KCNQ3: variants seen among roughly 807,000 people sequenced by gnomAD.
KCNQ3 encodes the protein potassium voltage-gated channel subfamily KQT member 3.
A neutral mutation model predicts 92.5 loss-of-function variants in KCNQ3; 30 were observed. That is an observed-to-expected ratio of 0.32 (90% CI 0.24 to 0.44). The LOEUF is 0.44. KCNQ3 is among the 20% of genes least tolerant of loss of function. The pLI, the probability that KCNQ3 is intolerant of heterozygous loss-of-function variation, is 1.00. For missense variants in KCNQ3, 913 were observed against 1,140.3 expected, an observed-to-expected ratio of 0.80 and a Z score of 2.87; for synonymous variants, 450 against 468.8, an observed-to-expected ratio of 0.96 and a Z score of 0.52.
rs1563791026 is a variant in KCNQ3, at chr8:132,180,268, C to G, written c.666G>C (p.Leu222=). The part of the protein sequence containing the change: ...VVAVGNQGNV[L]ATSLRSLRFL... ...AGCGCAGGCTTCGCAGGGAGGTGGC[C>G]AGAACATTGCCTTGGTTTCCCACAG... Residue 222 remains leucine, a synonymous_variant, in exon 4 of 15, where the codon CTG becomes CTC. Coordinates refer to ENST00000388996, the MANE Select transcript of KCNQ3 (RefSeq NM_004519.4). 6.2e-7 allele frequency: 1 copy of G among 1,614,144 alleles called. No homozygotes were observed. The highest frequency in any genetic ancestry group is 8.5e-7 in the Non-Finnish European group (1 of 1,180,046).
chr8:132,184,769 C>T (rs954556467), intron 2 of KCNQ3, among the ~76,000 whole-genome samples: 2 of 152,144 alleles, frequency 1.3e-5, no homozygotes, highest in Non-Finnish European at 2.9e-5. Flanking sequence ...AGTGCCTGTA[C>T]CCTGGCATTG....
intron 1 of KCNQ3, among the ~76,000 whole-genome samples, chr8:132,350,863 A>G (rs1818838379): frequency 6.6e-6 from 1 of 152,174 alleles, no homozygotes; most frequent in South Asian, 2.1e-4. Flanking sequence ...TCTTTATTAG[A>G]ACTTAAAATT....
Position 132,170,325 on chromosome 8 carries a change from C to T in KCNQ3, c.1235+9G>A. On this transcript the variant is annotated intron_variant, in intron 8 of 14. Coordinates refer to ENST00000388996, the MANE Select transcript of KCNQ3 (RefSeq NM_004519.4). ...CACGCCCTGAGCATTCAGGTGAGTCCCCACTTGCCTGAAGAAAGGAAAAGA... is the reference window on the plus strand; with the variant it reads ...CACGCCCTGAGCATTCAGGTGAGTCTCCACTTGCCTGAAGAAAGGAAAAGA... 6.2e-7 allele frequency: 1 copy of T among 1,602,984 alleles called. No individual in the cohort carries two copies. Among genetic ancestry groups the T allele is most frequent in the Non-Finnish European group, 8.5e-7 (1 of 1,170,062 alleles).
Position 132,480,136 on chromosome 8 carries a change from C to A in KCNQ3, c.386+11G>T, listed in dbSNP as rs747450105. The A allele has an allele frequency of 3.7e-6, 6 of 1,609,848 alleles. No homozygotes were observed. The highest frequency in any genetic ancestry group is 5.1e-6 in the Non-Finnish European group (6 of 1,177,812). ...CGCCGCCGAGGGCGCCCCGAGCGGCCGGGTACTCACACCAACGCGTGGTAA... is the reference window on the plus strand; with the variant it reads ...CGCCGCCGAGGGCGCCCCGAGCGGCAGGGTACTCACACCAACGCGTGGTAA... On this transcript the variant is annotated intron_variant, in intron 1 of 14. Transcript: ENST00000388996.
At chr8:132,479,589 T>C (rs2673560) in intron 1 of KCNQ3, among the ~76,000 whole-genome samples, 39,574 of 151,172 alleles carry the variant, frequency 0.26, 5,816 homozygotes, top group East Asian at 0.35. Context: ...TTCTTCTCTG[T>C]ACCAGTACCC....
chr8:132,220,297 C>A (rs1284024554), intron 1 of KCNQ3, among the ~76,000 whole-genome samples: 1 of 152,100 alleles, frequency 6.6e-6, no homozygotes, highest in Non-Finnish European at 1.5e-5. Flanking sequence ...AAAAACTGAC[C>A]ACAGCCACCT....
chr8:132,298,104 C>T (rs1817102796), intron 1 of KCNQ3, among the ~76,000 whole-genome samples: 1 of 152,286 alleles, frequency 6.6e-6, no homozygotes, highest in Non-Finnish European at 1.5e-5. Context: ...GAGGATGAAA[C>T]AGTATGTTTC....
chr8:132,447,220 G>T, intron 1 of KCNQ3: 3 of 1,535,618 alleles, frequency 2.0e-6, no homozygotes, highest in Non-Finnish European at 2.6e-6. Flanking sequence ...TGTTCTGCAG[G>T]CTTCATAAGG....
chr8:132,250,614 C>A (rs953199253), intron 1 of KCNQ3, among the ~76,000 whole-genome samples: 5 of 152,010 alleles, frequency 3.3e-5, no homozygotes, highest in Non-Finnish European at 5.9e-5. Flanking sequence ...GCACATGAAC[C>A]GATTATAAAA....
At chr8:132,471,675 G>A (rs1822300547) in intron 1 of KCNQ3, among the ~76,000 whole-genome samples, 1 of 152,056 alleles carries the variant, frequency 6.6e-6, no homozygotes, top group Non-Finnish European at 1.5e-5. Context: ...AAATCCTTGA[G>A]AGAATAGAGG....
At chr8:132,205,577 C>T (rs1813630306) in intron 1 of KCNQ3, among the ~76,000 whole-genome samples, 2 of 152,232 alleles carry the variant, frequency 1.3e-5, no homozygotes, top group South Asian at 2.1e-4. Context: ...GAACCAGATG[C>T]TATCTTTGAT....
intron 1 of KCNQ3, among the ~76,000 whole-genome samples, chr8:132,209,122 T>C (rs572003088): frequency 8.5e-5 from 13 of 152,148 alleles, no homozygotes; most frequent in Middle Eastern, 3.4e-3. Context: ...ACAGGTCACT[T>C]GTGGGTATTT....
chr8:132,371,371 C>T (rs1457825917), intron 1 of KCNQ3, among the ~76,000 whole-genome samples: 1 of 152,166 alleles, frequency 6.6e-6, no homozygotes, highest in Admixed American at 6.5e-5. Context: ...TACTGAATCC[C>T]AAAGCAGGTA....
rs139570477 is a variant in KCNQ3, at chr8:132,171,404, C to T, written c.1141-976G>A. 1.7e-3 allele frequency among the ~76,000 whole-genome samples: 253 copies of T among 152,276 alleles called. 2 individuals are homozygous for T. The highest frequency in any genetic ancestry group is 5.9e-3 in the African/African-American group (247 of 41,566). ...CACAGGCAGCTGTAGACAGGACACT[C>T]TGCTTTCCTATTCACTGTGCCCTCA... is the stretch of plus-strand genomic sequence containing the variant. On this transcript the variant is annotated intron_variant, in intron 7 of 14. Coordinates refer to ENST00000388996, the MANE Select transcript of KCNQ3 (RefSeq NM_004519.4).
chr8:132,460,489 G>A (rs968990210), intron 1 of KCNQ3, among the ~76,000 whole-genome samples: 5 of 152,008 alleles, frequency 3.3e-5, no homozygotes, highest in South Asian at 2.1e-4. Flanking sequence ...TTGCTTAACC[G>A]TTAAACTCCA....
chr8:132,457,824 T>G (rs913515954), intron 1 of KCNQ3, among the ~76,000 whole-genome samples: 3 of 152,060 alleles, frequency 2.0e-5, no homozygotes, highest in African/African-American at 7.3e-5. Context: ...CAAGACATAT[T>G]ATCCTATTTT....
intron 1 of KCNQ3, among the ~76,000 whole-genome samples, chr8:132,335,695 G>C (rs1311218866): frequency 6.6e-6 from 1 of 152,204 alleles, no homozygotes; most frequent in Non-Finnish European, 1.5e-5. Context: ...AACCATTCAA[G>C]AGTTTTGTGA....
intron 1 of KCNQ3, among the ~76,000 whole-genome samples, chr8:132,193,423 G>A (rs976962148): frequency 1.3e-5 from 2 of 152,214 alleles, no homozygotes; most frequent in Non-Finnish European, 1.5e-5. Flanking sequence ...GAACCAGTGC[G>A]AGCTGTCCAG....
intron 1 of KCNQ3, among the ~76,000 whole-genome samples, chr8:132,205,709 A>T (rs1440483231): frequency 6.6e-6 from 1 of 152,172 alleles, no homozygotes; most frequent in Admixed American, 6.5e-5. Context: ...ACTATGTGAG[A>T]CTATAGTAGA....
Sources: gnomAD v4.1 joint callset for allele counts (sites outside exome capture counted in the v4.1 genomes callset) on GRCh38, gnomAD v4.1.1 for gene constraint, MANE v1.5 for transcripts, NCBI Gene and HGNC (gene_info 2026-07-23, HGNC 2026-07-21) for gene names.